Variants in SGCZ observed in about 807,000 individuals in gnomAD.
SGCZ encodes sarcoglycan zeta, also known as zeta-sarcoglycan.
A neutral mutation model predicts 41.3 loss-of-function variants in SGCZ; 40 were observed. The ratio of observed to expected loss-of-function variants is 0.97; its 90% CI spans 0.75 to 1.26. The LOEUF is 1.26. Among genes scored for constraint, SGCZ ranks in the 50% most tolerant of loss-of-function variants. The pLI, the probability that SGCZ is intolerant of heterozygous loss-of-function variation, is 0.00. For missense variants in SGCZ, 552 were observed against 369.8 expected (o/e 1.49, Z -4.04); for synonymous variants, 206 against 137.5 (o/e 1.50, Z -3.49).
intron 1 of SGCZ, among the ~76,000 whole-genome samples, chr8:14,946,916 C>T (rs950305356): frequency 1.1e-4 from 16 of 152,080 alleles, no homozygotes; most frequent in Non-Finnish European, 2.1e-4. Flanking sequence ...CCTCATGATC[C>T]GCCCGCCTCG....
intron 1 of SGCZ, among the ~76,000 whole-genome samples, chr8:14,994,505 AC>A (rs1802143151): frequency 6.6e-6 from 1 of 151,812 alleles, no homozygotes; most frequent in African/African-American, 2.4e-5. Flanking sequence ...AATTGCTTGA[AC>A]CCAGGAGGCG....
intron 1 of SGCZ, among the ~76,000 whole-genome samples, chr8:14,679,658 TA>T (rs2117535836): frequency 6.6e-6 from 1 of 152,052 alleles, no homozygotes; most frequent in East Asian, 1.9e-4. Context: ...TACAGTAAGC[TA>T]AAGTTAATTT....
At chr8:14,480,635 T>C (rs751604204) in intron 2 of SGCZ, among the ~76,000 whole-genome samples, 2 of 152,130 alleles carry the variant, frequency 1.3e-5, no homozygotes, top group Non-Finnish European at 2.9e-5. Flanking sequence ...GGGCTTGAAA[T>C]TCTAACCTTA....
intron 1 of SGCZ, among the ~76,000 whole-genome samples, chr8:14,671,228 C>T (rs572353367): frequency 2.0e-5 from 3 of 152,122 alleles, no homozygotes; most frequent in Middle Eastern, 3.2e-3. Context: ...TGATGGTTCT[C>T]GCAGTGGTGT....
chr8:14,169,685 G>A (rs577150749), intron 4 of SGCZ, among the ~76,000 whole-genome samples: 4 of 152,160 alleles, frequency 2.6e-5, no homozygotes, highest in South Asian at 4.1e-4. Context: ...GTTCTGTTAT[G>A]AGCATTATTT....
chr8:14,156,464 AAAAAACAAAAACAAAAAC>A (rs747376964), intron 5 of SGCZ, among the ~76,000 whole-genome samples: 1 of 152,136 alleles, frequency 6.6e-6, no homozygotes, highest in African/African-American at 2.4e-5. Context: ...CCATCTCAGA[AAAAAACAAAAACAAAAAC>A]AAAAACAAAA....
intron 1 of SGCZ, among the ~76,000 whole-genome samples, chr8:14,752,240 T>A (rs1273119340): frequency 6.6e-6 from 1 of 152,170 alleles, no homozygotes; most frequent in Non-Finnish European, 1.5e-5. Context: ...TTTCTCTTAT[T>A]TGCAGCTGAA....
chr8:14,834,900 G>A (rs566016057), intron 1 of SGCZ, among the ~76,000 whole-genome samples: 2 of 152,090 alleles, frequency 1.3e-5, no homozygotes, highest in Non-Finnish European at 2.9e-5. Flanking sequence ...AAAAGAAACT[G>A]CTCCCTCTCC....
chr8:14,951,642 C>T (rs1800640868), intron 1 of SGCZ, among the ~76,000 whole-genome samples: 1 of 151,988 alleles, frequency 6.6e-6, no homozygotes, highest in South Asian at 2.1e-4. Flanking sequence ...TATACTATGA[C>T]TAAATGATCA....
chr8:15,096,965 G>A (rs1312380165), intron 1 of SGCZ, among the ~76,000 whole-genome samples: 1 of 152,132 alleles, frequency 6.6e-6, no homozygotes, highest in East Asian at 1.9e-4. Context: ...GATTACAGGT[G>A]TGAGCCACCG....
intron 1 of SGCZ, among the ~76,000 whole-genome samples, chr8:14,613,391 C>A (rs542013464): frequency 1.3e-5 from 2 of 152,136 alleles, no homozygotes; most frequent in East Asian, 3.9e-4. Context: ...AAAGAAATAG[C>A]AAAATACCCT....
chr8:14,386,344 A>C (rs766631231), intron 2 of SGCZ, among the ~76,000 whole-genome samples: 2 of 152,146 alleles, frequency 1.3e-5, no homozygotes, highest in Non-Finnish European at 2.9e-5. Context: ...AAGTCTATGA[A>C]AGAGAAATAC....
intron 2 of SGCZ, among the ~76,000 whole-genome samples, chr8:14,466,222 T>C (rs547443797): frequency 6.6e-6 from 1 of 152,100 alleles, no homozygotes; most frequent in African/African-American, 2.4e-5. Flanking sequence ...TGACTATCAA[T>C]GGACAGTTTG....
At chr8:14,202,803 C>T (rs779324894) in intron 4 of SGCZ, among the ~76,000 whole-genome samples, 3 of 152,090 alleles carry the variant, frequency 2.0e-5, no homozygotes, top group African/African-American at 7.2e-5. Flanking sequence ...CAGAAAAGTG[C>T]ATTTACCTAA....
chr8:14,645,490 A>G (rs145061022), intron 1 of SGCZ, among the ~76,000 whole-genome samples: 1,508 of 145,900 alleles, frequency 0.01, 44 homozygotes, highest in African/African-American at 0.036. Context: ...ATATGTATAT[A>G]TATATATATA....
At chr8:14,099,697 C>A (rs1801952210) in intron 7 of SGCZ, among the ~76,000 whole-genome samples, 1 of 152,096 alleles carries the variant, frequency 6.6e-6, no homozygotes, top group Non-Finnish European at 1.5e-5. Context: ...TGTACTCCAT[C>A]CTGGGCGACA....
At chr8:14,269,144 G>T (rs868834236) in intron 3 of SGCZ, among the ~76,000 whole-genome samples, 1 of 151,840 alleles carries the variant, frequency 6.6e-6, no homozygotes. Context: ...CATAAATTTG[G>T]GAATTAGTCT....
intron 2 of SGCZ, among the ~76,000 whole-genome samples, chr8:14,325,747 C>CATATATATATATATATAT (rs370021799): frequency 4.3e-5 from 3 of 69,460 alleles, no homozygotes; most frequent in Admixed American, 2.0e-4. Flanking sequence ...CACACACACA[C>CATATATATATATATATAT]ATATATATAT....
At chr8:15,047,219 C>T (rs1283097458) in intron 1 of SGCZ, among the ~76,000 whole-genome samples, 1 of 151,938 alleles carries the variant, frequency 6.6e-6, no homozygotes, top group Non-Finnish European at 1.5e-5. Context: ...TTGTTCAAAA[C>T]AAACTGTCTC....
Sources: allele counts gnomAD v4.1 joint callset (sites outside exome capture counted in the v4.1 genomes callset), GRCh38; gene constraint gnomAD v4.1.1; transcripts MANE v1.5; gene names NCBI Gene and HGNC (gene_info 2026-07-23, HGNC 2026-07-21).